The following LRGUK variants were observed in gnomAD, a reference collection of about 807,000 sequenced individuals.
The protein encoded by LRGUK is leucine rich repeats and guanylate kinase domain containing.
Under a neutral mutation model 76.0 loss-of-function variants are expected in LRGUK, and 65 were observed. The ratio of observed to expected loss-of-function variants is 0.85; its 90% CI spans 0.70 to 1.05. The LOEUF (loss-of-function observed/expected upper bound fraction) is 1.05, where lower values mean the gene tolerates loss of function less well. Among genes scored for constraint, LRGUK ranks in the 50% least tolerant of loss-of-function variants. The pLI, the probability that LRGUK is intolerant of heterozygous loss-of-function variation, is 0.00. For synonymous variants in LRGUK, 268 were observed against 265.6 expected (o/e 1.01, Z -0.09); for missense variants, 758 against 732.8 (o/e 1.03, Z -0.40).
At chr7:134,209,725 T>C (rs548920737) in exon 16 of LRGUK, 2 of 399,640 alleles carry the variant, frequency 5.0e-6, no homozygotes, top group Non-Finnish European at 8.8e-6. Context: ...CCATCAGCCC[T>C]CCGCACTCAA....
chr7:134,178,650 A>G, intron 10 of LRGUK, 41 bp downstream of exon 10: 2 of 1,522,018 alleles, frequency 1.3e-6, no homozygotes, highest in Non-Finnish European at 1.8e-6. Context: ...CAGGGTGAGC[A>G]AGCAAAAGAC....
At chr7:134,251,998 G>A (rs955147088) in intron 18 of LRGUK, among the ~76,000 whole-genome samples, 2 of 152,086 alleles carry the variant, frequency 1.3e-5, no homozygotes, top group African/African-American at 4.8e-5. Flanking sequence ...GTGGGAGCAA[G>A]AGATTGGGAA....
intron 7 of LRGUK, among the ~76,000 whole-genome samples, chr7:134,172,421 T>C (rs1267531345): frequency 6.6e-6 from 1 of 152,212 alleles, no homozygotes; most frequent in Non-Finnish European, 1.5e-5. Flanking sequence ...ATGGTGATGC[T>C]TAGAGACTAT....
chr7:134,143,738 A>G (rs1221516244), intron 4 of LRGUK, among the ~76,000 whole-genome samples: 1 of 152,174 alleles, frequency 6.6e-6, no homozygotes, highest in Non-Finnish European at 1.5e-5. Context: ...TCTGAAGCAG[A>G]AATAAACTAC....
At chr7:134,214,935 A>G (rs1801396497), downstream of LRGUK, among the ~76,000 whole-genome samples, 1 of 152,128 alleles carries the variant, frequency 6.6e-6, no homozygotes, top group Non-Finnish European at 1.5e-5. Flanking sequence ...CAGAAGTTAG[A>G]TGCTGTGTTA....
chr7:134,206,752 G>A (rs1455207970), intron 15 of LRGUK, among the ~76,000 whole-genome samples: 2 of 152,076 alleles, frequency 1.3e-5, no homozygotes, highest in African/African-American at 2.4e-5. Context: ...CCTTCCATTT[G>A]TCTCTAAACA....
chr7:134,227,727 T>C (rs979937113), intron 16 of LRGUK, among the ~76,000 whole-genome samples: 1 of 151,976 alleles, frequency 6.6e-6, no homozygotes, highest in Admixed American at 6.6e-5. Context: ...AATAACTAAA[T>C]TGAAATTATA....
intron 5 of LRGUK, 50 bp downstream of exon 5, chr7:134,148,369 T>A: frequency 9.4e-7 from 1 of 1,068,888 alleles, no homozygotes; most frequent in Non-Finnish European, 1.4e-6. Flanking sequence ...ATATAAAAAT[T>A]AAAGACTACA....
At position 134,201,588 on chromosome 7, in the gene LRGUK, T is replaced by C. The variant is rs1563179892; in HGVS notation, c.1843+12T>C. ...GGCTACAACTGCAGGTACTATTCTA[T>C]CATTTTTGTGCCAGGATTTTTTTTT... On this transcript the variant is annotated intron_variant, in intron 15 of 15. Coordinates refer to ENST00000645682, the Ensembl canonical transcript of LRGUK. 1.9e-6 allele frequency: 3 copies of C among 1,584,340 alleles called. No homozygotes were observed. The highest frequency in any genetic ancestry group is 2.6e-6 in the Non-Finnish European group (3 of 1,163,752).
At chr7:134,181,595 T>A (rs1453004468) in intron 10 of LRGUK, among the ~76,000 whole-genome samples, 4 of 152,146 alleles carry the variant, frequency 2.6e-5, no homozygotes. Context: ...TTCTGTTCCT[T>A]TGGTTTTCAT....
chr7:134,233,365 C>T (rs780635438), intron 16 of LRGUK, among the ~76,000 whole-genome samples: 3 of 152,204 alleles, frequency 2.0e-5, no homozygotes, highest in Non-Finnish European at 4.4e-5. Context: ...CACCTTTACC[C>T]CTGAAGCAAG....
At chr7:134,210,790 C>G (rs1467377112), downstream of LRGUK, among the ~76,000 whole-genome samples, 2 of 152,170 alleles carry the variant, frequency 1.3e-5, no homozygotes, top group African/African-American at 4.8e-5. Flanking sequence ...AGAGCTCTGT[C>G]CAAAGGCACA....
At chr7:134,213,588 G>A (rs1801353467), downstream of LRGUK, among the ~76,000 whole-genome samples, 1 of 152,158 alleles carries the variant, frequency 6.6e-6, no homozygotes, top group South Asian at 2.1e-4. Flanking sequence ...TGTTTCTGAG[G>A]CTCCTGAAGG....
At chr7:134,164,506 G>T (rs1798888738) in intron 7 of LRGUK, among the ~76,000 whole-genome samples, 1 of 152,156 alleles carries the variant, frequency 6.6e-6, no homozygotes, top group Non-Finnish European at 1.5e-5. Context: ...GGCATATTAA[G>T]TTGGTAACTT....
chr7:134,213,224 G>T (rs986165377), downstream of LRGUK, among the ~76,000 whole-genome samples: 5 of 152,150 alleles, frequency 3.3e-5, no homozygotes, highest in African/African-American at 7.2e-5. Context: ...TAACAATGGG[G>T]AGCTGCTGAA....
At chr7:134,183,520 C>T (rs1037458441) in intron 10 of LRGUK, among the ~76,000 whole-genome samples, 10 of 152,218 alleles carry the variant, frequency 6.6e-5, no homozygotes, top group Non-Finnish European at 1.2e-4. Context: ...AGTAAATTTA[C>T]GTAAGTTCAT....
intron 10 of LRGUK, among the ~76,000 whole-genome samples, 160 bp downstream of exon 10, chr7:134,178,769 T>A (rs1374324347): frequency 6.6e-6 from 1 of 151,598 alleles, no homozygotes; most frequent in Non-Finnish European, 1.5e-5. Flanking sequence ...TGATAGACAA[T>A]ATTGTCTCCA....
At chr7:134,231,270 G>A (rs191846983) in intron 16 of LRGUK, among the ~76,000 whole-genome samples, 7 of 152,202 alleles carry the variant, frequency 4.6e-5, no homozygotes, top group African/African-American at 1.4e-4. Flanking sequence ...AAGGAGGTGT[G>A]GCCATGTAAG....
chr7:134,263,759 T>G, intron 19 of LRGUK, 86 bp from the exon 20 acceptor site: 1 of 1,294,084 alleles, frequency 7.7e-7, no homozygotes, highest in Non-Finnish European at 1.0e-6. Flanking sequence ...CTAGAAATTG[T>G]TCTGGTGCTT....
Sources: allele counts gnomAD v4.1 joint callset (sites outside exome capture counted in the v4.1 genomes callset), GRCh38; gene constraint gnomAD v4.1.1; transcripts MANE v1.5; gene names NCBI Gene and HGNC (gene_info 2026-07-23, HGNC 2026-07-21).